The following IL18BP variants were observed in gnomAD, a reference collection of about 807,000 sequenced individuals.
IL18BP encodes interleukin 18 binding protein.
IL18BP carries 23 observed loss-of-function variants against 19.9 expected under a neutral mutation model. The observed-to-expected ratio is 1.15, with a 90% CI of 0.83 to 1.64. IL18BP has a LOEUF of 1.64. Ranked by LOEUF, IL18BP falls within the 40% of genes most tolerant of loss-of-function variation. The pLI is 0.00. For synonymous variants in IL18BP, 107 were observed against 101.0 expected, an observed-to-expected ratio of 1.06 and a Z score of -0.35; for missense variants, 239 against 240.7, an observed-to-expected ratio of 0.99 and a Z score of 0.05.
chr11:71,999,167 C>T (rs763841902), intron 1 of IL18BP, 148 bp downstream of exon 1: 3 of 516,594 alleles, frequency 5.8e-6, no homozygotes, highest in South Asian at 2.8e-5. Context: ...TGGGAAAGGC[C>T]AGGATGTGGA....
chr11:72,001,091 T>C (rs1955197291), intron 3 of IL18BP, 110 bp from the exon 4 acceptor site: 2 of 1,362,468 alleles, frequency 1.5e-6, no homozygotes, highest in African/African-American at 2.9e-5. Context: ...AGCAGTTCTC[T>C]AGGTTCCAGA....
chr11:71,999,061 T>C (rs1308905457), intron 1 of IL18BP, 42 bp downstream of exon 1: 3 of 464,348 alleles, frequency 6.5e-6, no homozygotes, highest in African/African-American at 2.0e-5. Flanking sequence ...CCTGTGGCTC[T>C]GGCCAGAGGG....
chr11:72,003,657 C>G (rs1955426613), downstream of IL18BP: 2 of 1,349,944 alleles, frequency 1.5e-6, no homozygotes, highest in Admixed American at 3.5e-5. Flanking sequence ...CTTGTGAGCC[C>G]CAGGGTTATC....
downstream of IL18BP, chr11:72,006,283 TGTTGCAGTGTAC>T: frequency 1.2e-6 from 2 of 1,608,034 alleles, no homozygotes; most frequent in Non-Finnish European, 1.7e-6. Context: ...AGAGTGAATC[TGTTGCAGTGTAC>T]AGTCCCTGGC....
downstream of IL18BP, chr11:72,003,242 C>G: frequency 2.0e-6 from 1 of 489,330 alleles, no homozygotes; most frequent in East Asian, 3.4e-5. Flanking sequence ...AAACCAGCCT[C>G]AAATCTGGTT....
At chr11:72,008,044 C>T (rs1361579448), downstream of IL18BP, 1 of 460,262 alleles carries the variant, frequency 2.2e-6, no homozygotes, top group Non-Finnish European at 4.3e-6. Flanking sequence ...AAGTGACTGC[C>T]CCTCTATGCC....
rs1270411576 is a variant in IL18BP, at chr11:72,001,999, C to T, written c.*138C>T. On this transcript the variant is annotated 3_prime_UTR_variant, in exon 6 of 6. Transcript: ENST00000393703. ...CCCCCTCCTTCTCTGCTTTGGGTCC[C>T]TTCTCTCACCAAATTCAAACTCCAT... is the stretch of plus-strand genomic sequence containing the variant. 8 of 1,286,440 alleles carry T rather than the reference C, an allele frequency of 6.2e-6. No homozygotes were observed. The Admixed American group carries it at 1.0e-4, about 16-fold the overall frequency. The allele number at this position is 1,286,440 out of a possible 1,614,324, so 79.7% of individuals were successfully genotyped here. A position where few individuals can be genotyped will look rare whatever the true frequency, so the allele number is the denominator to read the frequency against.
At chr11:72,008,011 T>C (rs1011890065), downstream of IL18BP, 2 of 436,486 alleles carry the variant, frequency 4.6e-6, no homozygotes, top group African/African-American at 4.1e-5. Context: ...AAACCCCAGC[T>C]CTACCACTGG....
At chr11:72,001,622 G>A in intron 5 of IL18BP, 70 bp downstream of exon 5, 1 of 1,589,170 alleles carries the variant, frequency 6.3e-7, no homozygotes, top group South Asian at 1.1e-5. Flanking sequence ...AGGAAAGGGT[G>A]GGCTCTGCCA....
downstream of IL18BP, chr11:72,007,733 T>G: frequency 2.2e-6 from 1 of 449,830 alleles, no homozygotes; most frequent in East Asian, 4.4e-5. Flanking sequence ...AGCCCACTTC[T>G]CTGTTCTTCC....
chr11:72,004,408 T>C (rs748568449), downstream of IL18BP: 19 of 1,451,654 alleles, frequency 1.3e-5, no homozygotes, highest in Middle Eastern at 3.5e-4. Context: ...AGGTGTCTTG[T>C]CCTCTCAGAG....
At position 72,001,454 on chromosome 11, in the gene IL18BP, G is replaced by A; in HGVS notation, c.409G>A (p.Glu137Lys). ...GTQLCKALVL[E>K]QLTPALHSTN... ...GCAGCTGTGCAAGGCCTTGGTGCTG[G>A]AGCAGCTGACCCCTGCCCTGCACAG... is the stretch of plus-strand genomic sequence containing the variant. The change falls in exon 5 of 6, where the codon GAG becomes AAG. Residue 137 changes from glutamate to lysine, a missense_variant. By Grantham distance (56) the Glu-to-Lys change is moderately conservative. Coordinates refer to ENST00000393703, the MANE Select transcript of IL18BP (RefSeq NM_001039660.2). The A allele has an allele frequency of 6.2e-7, 1 of 1,614,206 alleles. No homozygotes were observed. The highest frequency in any genetic ancestry group is 8.5e-7 in the Non-Finnish European group (1 of 1,180,044).
rs1590834609 is a variant in IL18BP at position 72,001,613 on chromosome 11, G to A, written c.507+61G>A. The A allele has an allele frequency of 1.9e-6, 3 of 1,589,166 alleles. No individual in the cohort carries two copies. The South Asian group carries it at 3.4e-5, about 18-fold the overall frequency. Reference sequence around the variant, plus strand: ...GGAGCTCTGCTTCCATATGTGGGGAGGAAAGGGTGGGCTCTGCCAGAGCAG... The same window carrying A: ...GGAGCTCTGCTTCCATATGTGGGGAAGAAAGGGTGGGCTCTGCCAGAGCAG... On this transcript the variant is annotated intron_variant, in intron 5 of 5. Coordinates refer to ENST00000393703, the MANE Select transcript of IL18BP (RefSeq NM_001039660.2).
At chr11:72,005,349 C>T (rs760554948), downstream of IL18BP, 41 of 1,607,752 alleles carry the variant, frequency 2.6e-5, no homozygotes, top group East Asian at 6.1e-4. Context: ...TGGCAAGTGC[C>T]CATGTAGAAG....
chr11:72,003,364 G>A (rs1955391208), downstream of IL18BP: 5 of 707,130 alleles, frequency 7.1e-6, no homozygotes, highest in Admixed American at 8.8e-5. Flanking sequence ...GCCAGTGAAG[G>A]ACCAGGGACC....
In IL18BP at chr11:72,001,978, CT is replaced by C; in HGVS notation, c.*118del. 10 of 1,442,848 alleles carry C rather than the reference CT, an allele frequency of 6.9e-6. No individual in the cohort carries two copies. Among genetic ancestry groups the C allele is most frequent in the Non-Finnish European group, 9.4e-6 (10 of 1,061,800 alleles). The allele number at this position is 1,442,848 out of a possible 1,614,324, so 89.4% of individuals were successfully genotyped here. ...GCTGCGTGGATGCGCAACACACCCC[CT>C]CCTTCTCTGCTTTGGGTCCCTTCTC... is the stretch of plus-strand genomic sequence containing the variant. On this transcript the variant is annotated 3_prime_UTR_variant, in exon 6 of 6. Transcript: ENST00000393703.
chr11:72,005,088 G>C (rs1215933662), downstream of IL18BP: 1 of 996,060 alleles, frequency 1.0e-6, no homozygotes, highest in African/African-American at 1.7e-5. Flanking sequence ...CCAGCTGTCT[G>C]TTCCACCTGG....
downstream of IL18BP, chr11:72,004,381 G>T (rs780122311): frequency 1.9e-6 from 3 of 1,561,270 alleles, no homozygotes; most frequent in Admixed American, 3.5e-5. Context: ...GTAGCAAGAG[G>T]AGTCACATCT....
downstream of IL18BP, among the ~76,000 whole-genome samples, chr11:72,006,861 G>T (rs894023457): frequency 6.6e-6 from 1 of 152,244 alleles, no homozygotes; most frequent in Non-Finnish European, 1.5e-5. Context: ...CAGCAACAAT[G>T]CCTCTCAGCT....
Sources: gnomAD v4.1 joint callset for allele counts (sites outside exome capture counted in the v4.1 genomes callset) on GRCh38, gnomAD v4.1.1 for gene constraint, MANE v1.5 for transcripts, NCBI Gene and HGNC (gene_info 2026-07-23, HGNC 2026-07-21) for gene names.